Variants in JAM2 observed in about 807,000 individuals in gnomAD.
JAM2 encodes the protein junctional adhesion molecule B.
In JAM2, 17 loss-of-function variants were observed where a neutral mutation model predicts 42.0. The observed-to-expected ratio is 0.40, with a 90% CI of 0.28 to 0.61. JAM2 has a LOEUF of 0.61. Among genes scored for constraint, JAM2 ranks in the 20% least tolerant of loss-of-function variants. The probability of loss-of-function intolerance (pLI) is 0.37; values close to 1 mark genes in which losing one functional copy is unlikely to be tolerated. For missense variants in JAM2, 319 were observed against 358.3 expected (o/e 0.89, Z 0.89); for synonymous variants, 118 against 128.6 (o/e 0.92, Z 0.56).
chr21:25,665,103 G>A (rs765332955), intron 1 of JAM2, among the ~76,000 whole-genome samples: 5 of 152,210 alleles, frequency 3.3e-5, no homozygotes, highest in Non-Finnish European at 7.3e-5. Flanking sequence ...TAGAGGTGGT[G>A]AGACTTAAGA....
At chr21:25,651,791 G>A (rs894134800) in intron 1 of JAM2, among the ~76,000 whole-genome samples, 2 of 152,186 alleles carry the variant, frequency 1.3e-5, no homozygotes, top group South Asian at 2.1e-4. Flanking sequence ...GCACTGTAGC[G>A]ATATAAAGGA....
chr21:25,708,311 G>T (rs2034312570), intron 7 of JAM2, among the ~76,000 whole-genome samples: 1 of 152,124 alleles, frequency 6.6e-6, no homozygotes. Flanking sequence ...GCTCACACTT[G>T]CATTCCCAAC....
chr21:25,679,646 A>ACCTC (rs1244858165), intron 1 of JAM2, among the ~76,000 whole-genome samples: 11 of 151,658 alleles, frequency 7.3e-5, no homozygotes, highest in Non-Finnish European at 1.3e-4. Flanking sequence ...CCTCACCTAG[A>ACCTC]CCTCCCCTCT....
intron 1 of JAM2, among the ~76,000 whole-genome samples, chr21:25,680,857 A>G (rs1200658775): frequency 1.3e-5 from 2 of 152,180 alleles, no homozygotes; most frequent in African/African-American, 4.8e-5. Flanking sequence ...CTCACAAAGC[A>G]GACAGAATGA....
In JAM2 at chr21:25,716,032, G is replaced by A. The variant is rs954318998; in HGVS notation, c.*1360G>A. The A allele has an allele frequency of 1.0e-4, 15 of 144,352 alleles. No individual in the cohort carries two copies. Among genetic ancestry groups the A allele is most frequent in the Non-Finnish European group, 1.5e-4 (10 of 67,034 alleles). The allele number at this position is 144,352 out of a possible 1,614,324, so 8.9% of individuals were successfully genotyped here. ...GACGGAGTCTCACTCTGTCGCCCAG[G>A]CTGGAGTACAGTGGCACAATCTTGG... On this transcript the variant is annotated 3_prime_UTR_variant, in exon 10 of 10. Transcript: ENST00000480456.
chr21:25,651,582 T>C (rs559751859), intron 1 of JAM2, among the ~76,000 whole-genome samples: 2 of 152,332 alleles, frequency 1.3e-5, no homozygotes, highest in South Asian at 4.1e-4. Context: ...GTAGAAAAAT[T>C]CTATATTTGC....
chr21:25,642,353 C>T (rs557275441), intron 1 of JAM2, among the ~76,000 whole-genome samples: 4 of 152,194 alleles, frequency 2.6e-5, no homozygotes, highest in African/African-American at 7.2e-5. Flanking sequence ...AGTATGGGCT[C>T]ATAAATATTT....
intron 9 of JAM2, 34 bp downstream of exon 9, chr21:25,712,416 T>G: frequency 6.9e-7 from 1 of 1,459,748 alleles, no homozygotes; most frequent in Admixed American, 1.7e-5. Context: ...ATAGAATGAA[T>G]ATGTTTGGGG....
At chr21:25,656,870 G>T (rs1015856537) in intron 1 of JAM2, among the ~76,000 whole-genome samples, 10 of 152,084 alleles carry the variant, frequency 6.6e-5, no homozygotes, top group African/African-American at 2.4e-4. Flanking sequence ...TTTATATTTG[G>T]CCACAAGTTA....
intron 1 of JAM2, among the ~76,000 whole-genome samples, chr21:25,659,533 G>A (rs371023757): frequency 6.4e-4 from 98 of 152,102 alleles, no homozygotes; most frequent in Non-Finnish European, 8.4e-4. Context: ...AGGATCAATC[G>A]GAAAGCATTT....
intron 6 of JAM2, among the ~76,000 whole-genome samples, chr21:25,703,148 G>A (rs1474031029): frequency 1.3e-5 from 2 of 152,112 alleles, no homozygotes; most frequent in Admixed American, 6.5e-5. Flanking sequence ...CACCGTACCC[G>A]GCCTGTCCTC....
intron 1 of JAM2, among the ~76,000 whole-genome samples, chr21:25,654,109 A>C (rs1234961301): frequency 6.6e-6 from 1 of 152,224 alleles, no homozygotes; most frequent in African/African-American, 2.4e-5. Context: ...TTAGGCATGT[A>C]TGTGTAACCA....
chr21:25,677,726 C>T (rs951229790), intron 1 of JAM2, among the ~76,000 whole-genome samples: 1 of 152,148 alleles, frequency 6.6e-6, no homozygotes, highest in African/African-American at 2.4e-5. Flanking sequence ...CCGAGGTTTT[C>T]CTCGACTGGT....
At chr21:25,645,869 C>T (rs765721606) in intron 1 of JAM2, among the ~76,000 whole-genome samples, 1 of 152,058 alleles carries the variant, frequency 6.6e-6, no homozygotes, top group South Asian at 2.1e-4. Flanking sequence ...ATTTGTGTAC[C>T]TAAACATATC....
At chr21:25,694,813 C>G (rs1027107750) in intron 4 of JAM2, among the ~76,000 whole-genome samples, 2 of 150,054 alleles carry the variant, frequency 1.3e-5, no homozygotes, top group Non-Finnish European at 3.0e-5. Flanking sequence ...GCATTTTAAC[C>G]TGGGAGACAG....
At chr21:25,670,540 C>G (rs2033335844) in intron 1 of JAM2, among the ~76,000 whole-genome samples, 1 of 152,018 alleles carries the variant, frequency 6.6e-6, no homozygotes, top group African/African-American at 2.4e-5. Flanking sequence ...AACTCATTTC[C>G]TGACCATTCT....
At chr21:25,666,861 C>T (rs1568896441) in intron 1 of JAM2, among the ~76,000 whole-genome samples, 1 of 152,174 alleles carries the variant, frequency 6.6e-6, no homozygotes, top group Admixed American at 6.6e-5. Context: ...TTTTAAGTTA[C>T]TATCTAGAAA....
chr21:25,646,755 G>C (rs936235292), intron 1 of JAM2, among the ~76,000 whole-genome samples: 1 of 152,218 alleles, frequency 6.6e-6, no homozygotes, highest in African/African-American at 2.4e-5. Flanking sequence ...AGCAAATCCT[G>C]TGAAAGTATT....
chr21:25,662,330 T>C (rs907981240), intron 1 of JAM2, among the ~76,000 whole-genome samples: 2 of 152,088 alleles, frequency 1.3e-5, no homozygotes, highest in Non-Finnish European at 2.9e-5. Flanking sequence ...GTTTTTGTTG[T>C]GTAGAGACAG....
Sources: gnomAD v4.1 joint callset for allele counts (sites outside exome capture counted in the v4.1 genomes callset) on GRCh38, gnomAD v4.1.1 for gene constraint, MANE v1.5 for transcripts, NCBI Gene and HGNC (gene_info 2026-07-23, HGNC 2026-07-21) for gene names.